MYH9: variants seen among roughly 807,000 people sequenced by gnomAD.
The protein encoded by MYH9 is myosin-9.
MYH9 carries 29 observed loss-of-function variants against 241.9 expected under a neutral mutation model. The ratio of observed to expected loss-of-function variants is 0.12; its 90% CI spans 0.09 to 0.16. The LOEUF (loss-of-function observed/expected upper bound fraction) is 0.16, where lower values mean the gene tolerates loss of function less well. Among genes scored for constraint, MYH9 ranks in the 10% least tolerant of loss-of-function variants. The pLI is 1.00. For missense variants in MYH9, 1,803 were observed against 2,595.5 expected (o/e 0.69, Z 6.63); for synonymous variants, 1,047 against 1,062.6 (o/e 0.99, Z 0.29).
intron 34 of MYH9, among the ~76,000 whole-genome samples, chr22:36,287,410 G>C (rs559401037): frequency 6.6e-6 from 1 of 152,132 alleles, no homozygotes; most frequent in South Asian, 2.1e-4. Flanking sequence ...TGACCACAAT[G>C]AAGTTTTAAA....
At chr22:36,343,347 G>A (rs1431549080) in intron 2 of MYH9, among the ~76,000 whole-genome samples, 2 of 151,634 alleles carry the variant, frequency 1.3e-5, no homozygotes. Flanking sequence ...ACCAGCCTGG[G>A]CAAAAAAGCA....
At chr22:36,348,304 T>C (rs2017710702) in intron 2 of MYH9, among the ~76,000 whole-genome samples, 1 of 151,018 alleles carries the variant, frequency 6.6e-6, no homozygotes, top group African/African-American at 2.4e-5. Context: ...AGGTCAGGCA[T>C]TCAAGACCAG....
chr22:36,338,779 C>A (rs1450481948), intron 3 of MYH9, among the ~76,000 whole-genome samples: 1 of 150,862 alleles, frequency 6.6e-6, no homozygotes, highest in Non-Finnish European at 1.5e-5. Flanking sequence ...GAGATCGTGC[C>A]ACTGCACTCC....
intron 3 of MYH9, among the ~76,000 whole-genome samples, chr22:36,339,688 T>C (rs1223230683): frequency 6.6e-6 from 1 of 152,148 alleles, no homozygotes; most frequent in African/African-American, 2.4e-5. Flanking sequence ...TTACCACCAC[T>C]GTCTAGATAG....
chr22:36,289,401 T>TGGAGAGGAGCAGGCCTAGGAA (rs2016649363), intron 31 of MYH9, 104 bp from the exon 32 acceptor site: 14 of 1,082,864 alleles, frequency 1.3e-5, no homozygotes, highest in Non-Finnish European at 1.9e-5. Context: ...GAGGCCACGG[T>TGGAGAGGAGCAGGCCTAGGAA]GGAGAGGAGC....
At chr22:36,324,784 C>G (rs925081977) in intron 5 of MYH9, among the ~76,000 whole-genome samples, 2 of 152,242 alleles carry the variant, frequency 1.3e-5, no homozygotes, top group African/African-American at 4.8e-5. Flanking sequence ...CTCCCTCACT[C>G]TAGTGGGCTC....
chr22:36,292,023 G>A lies in MYH9; in HGVS notation c.4307C>T (p.Ala1436Val), dbSNP rs1303570125. ...CTTCTGCTTCTTCTCCAGGTTGCACGCGCTCTGGCGCTGGTGGTCCAGGTC... is the reference window on the plus strand; with the variant it reads ...CTTCTGCTTCTTCTCCAGGTTGCACACGCTCTGGCGCTGGTGGTCCAGGTC... ...LVDLDHQRQS[A>V]CNLEKKQKKF... The change falls in exon 31 of 41, where the codon GCG becomes GTG. Residue 1436 changes from alanine (A) to valine (V), a missense_variant. Physicochemically the swap from Ala to Val is moderately conservative, Grantham distance 64. Around this residue, in one of 11 missense-constraint regions of MYH9, gnomAD observed 876 missense variants for 1,077.8 expected, o/e 0.81. Coordinates refer to ENST00000216181, the MANE Select transcript of MYH9 (RefSeq NM_002473.6). 8 of 1,614,186 alleles carry A rather than the reference G, an allele frequency of 5.0e-6. No homozygotes were observed. The Admixed American group carries it at 5.0e-5, about 10-fold the overall frequency.
chr22:36,330,297 A>G lies in MYH9; in HGVS notation c.491-2809T>C, dbSNP rs2017401883. Among the ~76,000 whole-genome samples, 2 of 152,206 alleles carry G rather than the reference A, an allele frequency of 1.3e-5. No individual in the cohort carries two copies. Among genetic ancestry groups the G allele is most frequent in the African/African-American group, 4.8e-5 (2 of 41,450 alleles). On this transcript the variant is annotated intron_variant, in intron 3 of 40. Transcript: ENST00000216181. The surrounding 1 kb of genome is among the most constrained non-coding windows in gnomAD (Gnocchi z 4.5). The stretch of plus-strand genomic sequence containing the variant: ...AGGCAAACTGCTGGGAGGCCTCCTC[A>G]TTGCATCTCTTACCGCACTGCTTAG...
At chr22:36,348,799 A>G in intron 2 of MYH9, 105 bp downstream of exon 2, 1 of 1,135,008 alleles carries the variant, frequency 8.8e-7, no homozygotes, top group Non-Finnish European at 1.3e-6. Context: ...CTTCTCAACC[A>G]GAGAGCCAGG....
In MYH9 at chr22:36,295,806, G is replaced by A; in HGVS notation, c.3273-89C>T. On this transcript the variant is annotated intron_variant, in intron 25 of 40. Transcript: ENST00000216181. This position sits in a 1 kb window ranked among gnomAD's most constrained non-coding sequence, Gnocchi z 4.1. ...GGACAGGCCTGAGAGAGCTGCAGCA[G>A]CCAAAGCTGCCTCCTGTGGTCACAA... 2 of 1,182,184 alleles carry A rather than the reference G, an allele frequency of 1.7e-6. No individual in the cohort carries two copies. The highest frequency in any genetic ancestry group is 1.2e-6 in the Non-Finnish European group (1 of 819,468). 73.2% of individuals were successfully genotyped at this position (1,182,184 alleles called of 1,614,324 possible).
At position 36,357,390 on chromosome 22, in the gene MYH9, G is replaced by A. The variant is rs143050658; in HGVS notation, c.-19-8135C>T. Among the ~76,000 whole-genome samples, 235 of 152,252 alleles carry A rather than the reference G, an allele frequency of 1.5e-3. 1 individual carries two copies. Among genetic ancestry groups the A allele is most frequent in the Middle Eastern group, 3.4e-3 (1 of 294 alleles). ...ATAACCACATACAAAACGATGCCAC[G>A]GCACTATGGCTATCTGGGGCCAGAG... On this transcript the variant is annotated intron_variant, in intron 1 of 40. Coordinates refer to ENST00000216181, the MANE Select transcript of MYH9 (RefSeq NM_002473.6).
chr22:36,366,281 C>T (rs2018008571), intron 1 of MYH9, among the ~76,000 whole-genome samples: 1 of 152,070 alleles, frequency 6.6e-6, no homozygotes, highest in Admixed American at 6.6e-5. Flanking sequence ...AAAACACCAC[C>T]GTGACTTATC....
intron 1 of MYH9, among the ~76,000 whole-genome samples, chr22:36,352,594 A>G (rs1442142206): frequency 2.6e-5 from 4 of 152,132 alleles, no homozygotes; most frequent in Non-Finnish European, 4.4e-5. Flanking sequence ...ATTCCACCCA[A>G]CCAACTGCCC....
At chr22:36,378,447 TG>T (rs2018205913) in intron 1 of MYH9, among the ~76,000 whole-genome samples, 1 of 152,180 alleles carries the variant, frequency 6.6e-6, no homozygotes, top group Admixed American at 6.6e-5. Context: ...AACTTTATTT[TG>T]TTCCTTCTCC....
At chr22:36,315,853 A>G (rs1404818062) in intron 12 of MYH9, among the ~76,000 whole-genome samples, 4 of 142,872 alleles carry the variant, frequency 2.8e-5, no homozygotes, top group Non-Finnish European at 6.3e-5. Context: ...AGCCTGGGCC[A>G]CACCTGAGGC....
At position 36,358,446 on chromosome 22, in the gene MYH9, C is replaced by T. The variant is rs1018800843; in HGVS notation, c.-19-9191G>A. On this transcript the variant is annotated intron_variant, in intron 1 of 40. Coordinates refer to ENST00000216181, the MANE Select transcript of MYH9 (RefSeq NM_002473.6). ...CCATGGCTTCCACCACTGGGACAGC[C>T]GGATTATTTCCCGCCCAGAGCTCTC... Among the ~76,000 whole-genome samples, 6 of 152,106 alleles carry T rather than the reference C, an allele frequency of 3.9e-5. No individual in the cohort carries two copies. The South Asian group carries it at 6.2e-4, about 16-fold the overall frequency.
intron 3 of MYH9, among the ~76,000 whole-genome samples, chr22:36,338,236 G>A (rs2017529333): frequency 6.6e-6 from 1 of 151,872 alleles, no homozygotes; most frequent in Non-Finnish European, 1.5e-5. Flanking sequence ...CTGACCTCAG[G>A]TGATCCACCT....
At chr22:36,351,450 A>G (rs2017764285) in intron 1 of MYH9, among the ~76,000 whole-genome samples, 1 of 152,148 alleles carries the variant, frequency 6.6e-6, no homozygotes, top group Admixed American at 6.5e-5. Context: ...TGCGGGTCTG[A>G]GGTCTAGGGT....
intron 2 of MYH9, 48 bp downstream of exon 2, chr22:36,348,856 C>T (rs1254501810): frequency 1.5e-6 from 2 of 1,314,740 alleles, no homozygotes; most frequent in Non-Finnish European, 2.1e-6. Flanking sequence ...CCCCCCCCAC[C>T]TCGGAGCCCT....
Sources: gnomAD v4.1 joint callset for allele counts (sites outside exome capture counted in the v4.1 genomes callset) on GRCh38, gnomAD v4.1.1 for gene constraint, gnomAD v4.1.1 regional missense constraint, Gnocchi (gnomAD v3.1) non-coding constraint, MANE v1.5 for transcripts, NCBI Gene and HGNC (gene_info 2026-07-23, HGNC 2026-07-21) for gene names.